The following SMURF1 variants were observed in gnomAD, a reference collection of about 807,000 sequenced individuals.
SMURF1 encodes the protein SMAD specific E3 ubiquitin protein ligase 1, also known as E3 ubiquitin-protein ligase SMURF1.
SMURF1 carries 44 observed loss-of-function variants against 98.0 expected under a neutral mutation model. The observed-to-expected ratio is 0.45, with a 90% CI of 0.35 to 0.58. The LOEUF is 0.58. Among genes scored for constraint, SMURF1 ranks in the 20% least tolerant of loss-of-function variants. The probability of loss-of-function intolerance (pLI) is 0.00; values close to 1 mark genes in which losing one functional copy is unlikely to be tolerated. For missense variants in SMURF1, 687 were observed against 938.4 expected (o/e 0.73, Z 3.50); for synonymous variants, 396 against 374.9 (o/e 1.06, Z -0.65).
intron 1 of SMURF1, among the ~76,000 whole-genome samples, chr7:99,138,618 A>T (rs1332436283): frequency 6.6e-6 from 1 of 152,242 alleles, no homozygotes; most frequent in African/African-American, 2.4e-5. Context: ...ACTTGAAGTT[A>T]AAAATCCTAG....
At position 99,051,351 on chromosome 7, in the gene SMURF1, G is replaced by A. The variant is rs781544234; in HGVS notation, c.806+6C>T. The A allele has an allele frequency of 1.2e-6, 2 of 1,612,388 alleles. No individual in the cohort carries two copies. Among genetic ancestry groups the A allele is most frequent in the African/African-American group, 2.7e-5 (2 of 75,002 alleles). On this transcript the variant is annotated splice_donor_region_variant and intron_variant, in intron 8 of 17. Coordinates refer to ENST00000361368, the MANE Select transcript of SMURF1 (RefSeq NM_181349.3). The stretch of plus-strand genomic sequence containing the variant: ...AGCTGGGGGGTGTCCATTTCAGGAG[G>A]CTTACCTTGGTATCCTGGGGTCGTG...
At chr7:99,095,960 G>A (rs954910919) in intron 1 of SMURF1, among the ~76,000 whole-genome samples, 1 of 152,172 alleles carries the variant, frequency 6.6e-6, no homozygotes, top group African/African-American at 2.4e-5. Context: ...TCCTTTTAGA[G>A]TCTGGAGGAT....
At chr7:99,128,629 G>T (rs1797795793) in intron 1 of SMURF1, among the ~76,000 whole-genome samples, 1 of 152,170 alleles carries the variant, frequency 6.6e-6, no homozygotes, top group African/African-American at 2.4e-5. Flanking sequence ...TTAAATTTTA[G>T]TGGAAAATCA....
At chr7:99,133,118 C>CCA (rs145134637) in intron 1 of SMURF1, among the ~76,000 whole-genome samples, 26,733 of 151,910 alleles carry the variant, frequency 0.18, 2,434 homozygotes, top group South Asian at 0.33. Flanking sequence ...CACACACACC[C>CCA]CACCCACACG....
rs576373851 is a variant in SMURF1 at position 99,076,826 on chromosome 7, C to A, written c.56-14989G>T. Among the ~76,000 whole-genome samples, 10 of 138,346 alleles carry A rather than the reference C, an allele frequency of 7.2e-5. 1 individual carries two copies. In the South Asian group the frequency reaches 2.1e-3, roughly 29 times the overall value. 90.8% of individuals were successfully genotyped at this position (138,346 alleles called of 152,430 possible). A position where few individuals can be genotyped will look rare whatever the true frequency, so the allele number is the denominator to read the frequency against. ...ATGTGTGCAAGTGTGCATGTGTGCACGTGTGCCCATGTGTATGTGTGTGCA... is the reference window on the plus strand; with the variant it reads ...ATGTGTGCAAGTGTGCATGTGTGCAAGTGTGCCCATGTGTATGTGTGTGCA... On this transcript the variant is annotated intron_variant, in intron 1 of 17. Transcript: ENST00000361368.
intron 1 of SMURF1, among the ~76,000 whole-genome samples, chr7:99,138,090 T>C (rs1798035399): frequency 7.3e-6 from 1 of 136,520 alleles, no homozygotes; most frequent in Non-Finnish European, 1.6e-5. Flanking sequence ...ACCAGTAATT[T>C]AAAACTTGTT....
chr7:99,027,708 G>A lies in SMURF1; in HGVS notation c.*2876C>T, dbSNP rs566827689. 4 of 152,724 alleles carry A rather than the reference G, an allele frequency of 2.6e-5. No individual in the cohort carries two copies. The highest frequency in any genetic ancestry group is 2.1e-4 in the South Asian group (1 of 4,828). 9.5% of individuals were successfully genotyped at this position (152,724 alleles called of 1,614,324 possible). On this transcript the variant is annotated 3_prime_UTR_variant, in exon 18 of 18. Transcript: ENST00000361368. Reference sequence around the variant, plus strand: ...CATTACAAAATAAATTAAAAAATACGTTATAAAGTGGTTGAGAAACAAAAA... The same window carrying A: ...CATTACAAAATAAATTAAAAAATACATTATAAAGTGGTTGAGAAACAAAAA...
At chr7:99,066,044 CAAA>C (rs35565503) in intron 1 of SMURF1, among the ~76,000 whole-genome samples, 1 of 136,024 alleles carries the variant, frequency 7.4e-6, no homozygotes, top group Non-Finnish European at 1.6e-5. Context: ...GATTCCGTCT[CAAA>C]AAAAAAAAAA....
chr7:99,042,190 A>G lies in SMURF1; in HGVS notation c.1299T>C (p.Tyr433=), dbSNP rs372127992. 5.5e-5 allele frequency: 89 copies of G among 1,614,028 alleles called. No homozygotes were observed. The highest frequency in any genetic ancestry group is 6.9e-5 in the Non-Finnish European group (81 of 1,180,036). Residue 433 remains tyrosine (Y), a synonymous_variant, in exon 12 of 18, where the codon TAT becomes TAC. Coordinates refer to ENST00000361368, the MANE Select transcript of SMURF1 (RefSeq NM_181349.3). ...CCGTAGAATACTGGAAGAGCCCGTA[A>G]TAAGGATTCAGCATTTCATGGCACA... is the stretch of plus-strand genomic sequence containing the variant. The part of the protein sequence containing the change: ...YLLCHEMLNP[Y]YGLFQYSTDN...
intron 1 of SMURF1, among the ~76,000 whole-genome samples, chr7:99,063,241 TTATATA>T (rs1178325637): frequency 5.4e-4 from 19 of 34,886 alleles, no homozygotes; most frequent in South Asian, 1.4e-3. Flanking sequence ...TAAGATTTAT[TTATATA>T]TATATATATA....
intron 1 of SMURF1, among the ~76,000 whole-genome samples, chr7:99,079,659 C>CA (rs971269434): frequency 1.4e-4 from 21 of 150,982 alleles, no homozygotes; most frequent in African/African-American, 3.6e-4. Flanking sequence ...AATGTAACCC[C>CA]AAAAAAAAAT....
At chr7:99,124,570 C>T (rs1327683571) in intron 1 of SMURF1, among the ~76,000 whole-genome samples, 1 of 151,896 alleles carries the variant, frequency 6.6e-6, no homozygotes, top group Non-Finnish European at 1.5e-5. Context: ...CTTCTGTGCA[C>T]TTTAGGTTTG....
At chr7:99,061,910 C>A in intron 1 of SMURF1, 73 bp from the exon 2 acceptor site, 1 of 1,129,616 alleles carries the variant, frequency 8.9e-7, no homozygotes, top group South Asian at 1.7e-5. Flanking sequence ...TATATTTACA[C>A]CCGAACAAAA....
chr7:99,141,278 G>A (rs1419937982), intron 1 of SMURF1, among the ~76,000 whole-genome samples: 2 of 152,314 alleles, frequency 1.3e-5, no homozygotes, highest in South Asian at 4.1e-4. Context: ...TGGCAAATAG[G>A]ATTGATTAAT....
chr7:99,065,910 G>C (rs1378810424), intron 1 of SMURF1, among the ~76,000 whole-genome samples: 1 of 152,178 alleles, frequency 6.6e-6, no homozygotes, highest in African/African-American at 2.4e-5. Context: ...GCTGGGTGTG[G>C]AGGTGCGTGC....
chr7:99,107,806 G>A (rs560893215), intron 1 of SMURF1, among the ~76,000 whole-genome samples: 1 of 152,250 alleles, frequency 6.6e-6, no homozygotes, highest in South Asian at 2.1e-4. Context: ...AACCTCACAC[G>A]TGATCGATCT....
At position 99,071,523 on chromosome 7, in the gene SMURF1, T is replaced by TC. The variant is rs549192804; in HGVS notation, c.56-9687dup. ...TTTTTTAACATTAAAATGTTATTTT[T>TC]CCCAACACCCTCACAGAATCTGCAG... On this transcript the variant is annotated intron_variant, in intron 1 of 17. Coordinates refer to ENST00000361368, the MANE Select transcript of SMURF1 (RefSeq NM_181349.3). 3.0e-4 allele frequency among the ~76,000 whole-genome samples: 46 copies of TC among 152,320 alleles called. 1 individual carries two copies. In the East Asian group the frequency reaches 8.3e-3, roughly 27 times the overall value.
At chr7:99,047,942 C>G (rs219825) in intron 9 of SMURF1, 60 bp from the exon 10 acceptor site, 594,074 of 1,525,540 alleles carry the variant, frequency 0.39, 120,878 homozygotes, top group African/African-American at 0.75. Context: ...GCTGCAAGCA[C>G]CCACGTACGC....
chr7:99,143,701 C>A (rs376296933), intron 1 of SMURF1, 25 bp downstream of exon 1: 36 of 1,542,448 alleles, frequency 2.3e-5, no homozygotes, highest in Non-Finnish European at 3.1e-5. Context: ...CGCCGGGGCG[C>A]GGGTGGGCCT....
Sources: allele counts gnomAD v4.1 joint callset (sites outside exome capture counted in the v4.1 genomes callset), GRCh38; gene constraint gnomAD v4.1.1; transcripts MANE v1.5; gene names NCBI Gene and HGNC (gene_info 2026-07-23, HGNC 2026-07-21).